ANO1: variants seen among roughly 807,000 people sequenced by gnomAD.
The protein encoded by ANO1 is anoctamin-1.
A neutral mutation model predicts 124.0 loss-of-function variants in ANO1; 59 were observed. The observed-to-expected ratio is 0.48, with a 90% CI of 0.39 to 0.59. The LOEUF (loss-of-function observed/expected upper bound fraction) is 0.59, where lower values mean the gene tolerates loss of function less well. ANO1 is among the 20% of genes least tolerant of loss of function. The pLI is 0.00. For missense variants in ANO1, 1,059 were observed against 1,328.0 expected, an observed-to-expected ratio of 0.80 and a Z score of 3.15; for synonymous variants, 529 against 532.0, an observed-to-expected ratio of 0.99 and a Z score of 0.08.
chr11:70,105,761 T>C lies in ANO1; in HGVS notation c.720T>C (p.Phe240=), dbSNP rs1390505242. The C allele has an allele frequency of 6.2e-7, 1 of 1,613,738 alleles. No homozygotes were observed. Among genetic ancestry groups the C allele is most frequent in the East Asian group, 2.2e-5 (1 of 44,870 alleles). The change falls in exon 5 of 26, where the codon TTT becomes TTC. Residue 240 remains phenylalanine, a synonymous_variant. Transcript: ENST00000355303. ...HLFDLSDKDS[F]FDSKTRSTIV... is the part of the protein sequence containing the mutation. ...TTGACTTGTCTGATAAGGATTCCTT[T>C]TTCGACAGCAAAACCCGGAGCACGA...
chr11:70,044,790 G>A (rs1449539846), intron 1 of ANO1, among the ~76,000 whole-genome samples: 2 of 152,124 alleles, frequency 1.3e-5, no homozygotes, highest in East Asian at 3.8e-4. Flanking sequence ...GATGATAAAG[G>A]CTGAAACTGT....
At chr11:70,171,195 A>G (rs1192475396) in intron 22 of ANO1, among the ~76,000 whole-genome samples, 156 bp downstream of exon 22, 1 of 152,168 alleles carries the variant, frequency 6.6e-6, no homozygotes, top group Non-Finnish European at 1.5e-5. Context: ...GGGGCAGGTG[A>G]CACAAGATGT....
intron 1 of ANO1, chr11:70,085,510 C>T (rs889295748): frequency 3.3e-5 from 50 of 1,535,964 alleles, no homozygotes; most frequent in African/African-American, 5.5e-5. Flanking sequence ...AGCCTCCTGC[C>T]GGCACCAGAT....
intron 22 of ANO1, among the ~76,000 whole-genome samples, chr11:70,173,775 G>C (rs1327972665): frequency 6.6e-6 from 1 of 152,176 alleles, no homozygotes; most frequent in Admixed American, 6.5e-5. Context: ...CCAGGGCCGG[G>C]CGCAGTGGCT....
chr11:69,970,591 T>C, the ANO1 span, among the ~76,000 whole-genome samples: 7,639 of 152,290 alleles, frequency 0.05, 348 homozygotes, highest in African/African-American at 0.12. Context: ...ACTCCCCTTC[T>C]CTGGGGCTGT....
rs145268194 is a variant in ANO1 at position 70,107,525 on chromosome 11, A to T, written c.748-828A>T. On this transcript the variant is annotated intron_variant, in intron 5 of 25. Coordinates refer to ENST00000355303, the MANE Select transcript of ANO1 (RefSeq NM_018043.7). Reference sequence around the variant, plus strand: ...GGGAAGCGGTCAGATGGCCTGGGCCAGGGGGAACTGGAAGGACGCTGGCCT... The same window carrying T: ...GGGAAGCGGTCAGATGGCCTGGGCCTGGGGGAACTGGAAGGACGCTGGCCT... Among the ~76,000 whole-genome samples the T allele has an allele frequency of 5.2e-4, 66 of 126,338 alleles. 1 individual carries two copies. The highest frequency in any genetic ancestry group is 1.6e-3 in the Admixed American group (20 of 12,212). 82.9% of individuals were successfully genotyped at this position (126,338 alleles called of 152,430 possible).
chr11:69,974,379 G>A, the ANO1 span, among the ~76,000 whole-genome samples: 25 of 152,170 alleles, frequency 1.6e-4, no homozygotes, highest in Admixed American at 3.3e-4. Context: ...GGTTACTATG[G>A]GCAAGACACA....
At chr11:70,014,747 C>G (rs551491268) in intron 1 of ANO1, 1 of 152,136 alleles carries the variant, frequency 6.6e-6, no homozygotes, top group Non-Finnish European at 1.5e-5. Flanking sequence ...GCGGTTCCAG[C>G]TGATGCTCCC....
chr11:70,158,525 G>C (rs1240332137), intron 16 of ANO1, among the ~76,000 whole-genome samples: 4 of 152,268 alleles, frequency 2.6e-5, no homozygotes, highest in African/African-American at 9.6e-5. Flanking sequence ...GTGCCAGCCA[G>C]AGGTGGTGGC....
At position 70,165,483 on chromosome 11, in the gene ANO1, G is replaced by T; in HGVS notation, c.1964G>T (p.Gly655Val). ...CTCTGTCCACAGTGTGCGCCAGGGG[G>T]CTGCCTGATGGAGCTATGCATCCAG... is the stretch of plus-strand genomic sequence containing the variant. ...SFRMEECAPGGCLMELCIQLS... is the reference protein window; with the variant it reads ...SFRMEECAPGVCLMELCIQLS... Residue 655 changes from glycine to valine, a missense_variant, in exon 20 of 26, where the codon GGC (glycine) becomes GTC (valine). Transcript: ENST00000355303. The T allele has an allele frequency of 6.2e-7, 1 of 1,610,610 alleles. No individual in the cohort carries two copies. Among genetic ancestry groups the T allele is most frequent in the Non-Finnish European group, 8.5e-7 (1 of 1,178,600 alleles).
intron 2 of ANO1, among the ~76,000 whole-genome samples, chr11:70,098,424 C>T (rs1490814510): frequency 6.6e-6 from 1 of 152,226 alleles, no homozygotes; most frequent in Non-Finnish European, 1.5e-5. Context: ...GCACGGCACA[C>T]ACACCCCATG....
intron 1 of ANO1, among the ~76,000 whole-genome samples, chr11:70,002,057 A>G (rs184101234): frequency 3.3e-5 from 5 of 152,326 alleles, no homozygotes; most frequent in Admixed American, 3.3e-4. Context: ...AAACCGTCCC[A>G]TAAGATTGGA....
intron 19 of ANO1, among the ~76,000 whole-genome samples, chr11:70,165,097 G>A (rs1256549622): frequency 1.3e-5 from 2 of 152,154 alleles, no homozygotes; most frequent in South Asian, 2.1e-4. Context: ...GGGAGGACCT[G>A]CCTTGCCTCT....
intron 1 of ANO1, among the ~76,000 whole-genome samples, chr11:70,016,609 C>A (rs4980736): frequency 6.6e-6 from 1 of 152,058 alleles, no homozygotes; most frequent in Admixed American, 6.5e-5. Flanking sequence ...GCTCTGCCAC[C>A]GTCAGGCTTG....
upstream of ANO1, among the ~76,000 whole-genome samples, chr11:69,984,591 G>A (rs897972871): frequency 6.6e-6 from 1 of 152,168 alleles, no homozygotes; most frequent in Non-Finnish European, 1.5e-5. Context: ...TTCCTCCTGG[G>A]GCAGTGTCCT....
chr11:70,062,357 G>A (rs999799583), intron 1 of ANO1, among the ~76,000 whole-genome samples: 5 of 152,230 alleles, frequency 3.3e-5, no homozygotes, highest in African/African-American at 1.2e-4. Flanking sequence ...GATTACAGGC[G>A]TGAGCCACCA....
chr11:69,998,333 C>T (rs1856314168), intron 1 of ANO1, among the ~76,000 whole-genome samples: 1 of 152,242 alleles, frequency 6.6e-6, no homozygotes. Context: ...CCCCCCGCCC[C>T]ATTGCCCCAT....
chr11:70,056,051 T>C (rs1460278965), intron 1 of ANO1, among the ~76,000 whole-genome samples: 2 of 151,502 alleles, frequency 1.3e-5, no homozygotes, highest in Non-Finnish European at 2.9e-5. Context: ...TTGTTATTGC[T>C]ATTTTAAACA....
intron 14 of ANO1, among the ~76,000 whole-genome samples, chr11:70,154,582 T>C (rs2047733901): frequency 6.8e-6 from 1 of 146,276 alleles, no homozygotes; most frequent in Admixed American, 7.1e-5. Flanking sequence ...TTCTCCTGCC[T>C]CAGCCTTCCG....
Sources: gnomAD v4.1 joint callset for allele counts (sites outside exome capture counted in the v4.1 genomes callset) on GRCh38, gnomAD v4.1.1 for gene constraint, MANE v1.5 for transcripts, NCBI Gene and HGNC (gene_info 2026-07-23, HGNC 2026-07-21) for gene names.